The following HYDIN variants were observed in gnomAD, a reference collection of about 807,000 sequenced individuals.
HYDIN encodes the protein HYDIN axonemal central pair apparatus protein, also known as axonemal central pair apparatus protein HYDIN.
Under a neutral mutation model 403.9 loss-of-function variants are expected in HYDIN, and 132 were observed. The observed-to-expected ratio is 0.33, with a 90% CI of 0.28 to 0.38. The LOEUF is 0.38. Ranked by LOEUF, HYDIN falls within the 10% of genes least tolerant of loss-of-function variation. The probability of loss-of-function intolerance (pLI) is 1.00; values close to 1 mark genes in which losing one functional copy is unlikely to be tolerated. For synonymous variants in HYDIN, 1,202 were observed against 1,891.7 expected (o/e 0.64, Z 9.46); for missense variants, 2,827 against 5,009.5 (o/e 0.56, Z 13.15).
chr16:71,043,017 A>T (rs1214536691), intron 18 of HYDIN, among the ~76,000 whole-genome samples: 1 of 150,446 alleles, frequency 6.6e-6, no homozygotes, highest in African/African-American at 2.5e-5. Flanking sequence ...ATTTTTTGAG[A>T]TTTTTTTATA....
intron 41 of HYDIN, among the ~76,000 whole-genome samples, chr16:70,951,313 C>T (rs1015636962): frequency 6.6e-6 from 1 of 151,036 alleles, no homozygotes; most frequent in African/African-American, 2.5e-5. Flanking sequence ...AGAAACTTCA[C>T]AACTATGAAG....
chr16:71,078,781 T>C (rs1433167103), intron 13 of HYDIN, among the ~76,000 whole-genome samples: 8 of 152,160 alleles, frequency 5.3e-5, no homozygotes, highest in Non-Finnish European at 1.2e-4. Flanking sequence ...GGCGGGATTA[T>C]AGATGTGAGC....
chr16:71,185,040 A>G lies in HYDIN; in HGVS notation c.136-50T>C, dbSNP rs774819540. ...AAAGATTCTTAAGTGGATGTACTGAAAAAGTGTTTTCATAAGTACCAGTAA... is the reference window on the plus strand; with the variant it reads ...AAAGATTCTTAAGTGGATGTACTGAGAAAGTGTTTTCATAAGTACCAGTAA... On this transcript the variant is annotated intron_variant, in intron 2 of 85. Transcript: ENST00000393567. 7.0e-6 allele frequency: 10 copies of G among 1,431,034 alleles called. No homozygotes were observed. In the South Asian group the frequency reaches 1.4e-4, roughly 21 times the overall value. The allele number at this position is 1,431,034 out of a possible 1,614,324, so 88.6% of individuals were successfully genotyped here.
In HYDIN at chr16:71,062,294, T is replaced by A. The variant is rs1365004195; in HGVS notation, c.2251A>T (p.Thr751Ser). The change falls in exon 17 of 86, where the codon ACC becomes TCC. Residue 751 changes from threonine (T) to serine (S), a missense_variant. By Grantham distance (58) the Thr-to-Ser change is moderately conservative (BLOSUM62 1). Coordinates refer to ENST00000393567, the MANE Select transcript of HYDIN (RefSeq NM_001270974.2). ...EVPTVLFSSP[T>S]PSGVISPSST... ...CTTGGGGAGATGACCCCGCTGGGGG[T>A]GGGGCTGGAAAACAGCACAGTAGGC... is the stretch of plus-strand genomic sequence containing the variant. 6.3e-7 allele frequency: 1 copy of A among 1,578,856 alleles called. No homozygotes were observed. Among genetic ancestry groups the A allele is most frequent in the Non-Finnish European group, 8.6e-7 (1 of 1,160,884 alleles).
intron 75 of HYDIN, among the ~76,000 whole-genome samples, chr16:70,847,261 C>T (rs1183724580): frequency 2.0e-5 from 3 of 152,050 alleles, no homozygotes; most frequent in Non-Finnish European, 1.5e-5. Flanking sequence ...TTATATAAGG[C>T]CCACTAATAC....
chr16:71,114,742 AG>A (rs1006175448), intron 10 of HYDIN, among the ~76,000 whole-genome samples: 3 of 126,784 alleles, frequency 2.4e-5, no homozygotes, highest in Non-Finnish European at 4.9e-5. Flanking sequence ...CCAATTTCAA[AG>A]GGTTTGGCTT....
chr16:71,016,739 A>G (rs2080271865), intron 23 of HYDIN, among the ~76,000 whole-genome samples: 1 of 148,688 alleles, frequency 6.7e-6, no homozygotes, highest in Admixed American at 6.8e-5. Flanking sequence ...GTGGATGGAT[A>G]AAGAAAATTT....
chr16:71,071,192 AACCATTGCCCAG>A (rs1241343333), intron 13 of HYDIN, among the ~76,000 whole-genome samples: 1 of 144,532 alleles, frequency 6.9e-6, no homozygotes, highest in African/African-American at 2.6e-5. Context: ...TGGTCTTCCA[AACCATTGCCCAG>A]ACTGCTTCCT....
At chr16:71,219,967 G>A (rs1022442417) in intron 1 of HYDIN, among the ~76,000 whole-genome samples, 11 of 152,148 alleles carry the variant, frequency 7.2e-5, no homozygotes, top group Admixed American at 4.6e-4. Flanking sequence ...GTGGTTCAGC[G>A]TATTTCGGTC....
chr16:70,821,619 CTCTTTA>C (rs66785102), intron 83 of HYDIN, among the ~76,000 whole-genome samples: 21,143 of 150,550 alleles, frequency 0.14, 1,653 homozygotes, highest in African/African-American at 0.26. Flanking sequence ...TTAAGCTTTT[CTCTTTA>C]TCTTTGTTTT....
At chr16:71,211,860 C>T (rs2088611262) in intron 1 of HYDIN, among the ~76,000 whole-genome samples, 1 of 151,996 alleles carries the variant, frequency 6.6e-6, no homozygotes, top group African/African-American at 2.4e-5. Context: ...TTATTAGATA[C>T]AGATTACAAA....
chr16:70,874,884 G>A lies in HYDIN; in HGVS notation c.10593C>T (p.Phe3531=), dbSNP rs2040355787. 6.2e-7 allele frequency: 1 copy of A among 1,611,664 alleles called. No individual in the cohort carries two copies. The highest frequency in any genetic ancestry group is 1.7e-5 in the Admixed American group (1 of 59,836). The part of the protein sequence containing the change: ...HVDLQDELGV[F]SLKGRPTTAY... ...CGGTGGTGGGCCTCCCTTTCAGGGA[G>A]AAGACTCCTAGCTCATCCTGCAGGT... The change falls in exon 63 of 86, where the codon TTC becomes TTT. Residue 3531 remains phenylalanine (F), a synonymous_variant. Coordinates refer to ENST00000393567, the MANE Select transcript of HYDIN (RefSeq NM_001270974.2).
chr16:70,979,002 T>C lies in HYDIN; in HGVS notation c.4550A>G (p.Lys1517Arg), dbSNP rs1384079821. 1 of 1,613,636 alleles carries C rather than the reference T, an allele frequency of 6.2e-7. No individual in the cohort carries two copies. The highest frequency in any genetic ancestry group is 2.2e-5 in the East Asian group (1 of 44,870). The stretch of plus-strand genomic sequence containing the variant: ...TTTGTTATACTCTTTGTCTGTGTTT[T>C]TCCTGGCTTGATTCAAGAACATTTC... ...KYEMFLNQAR[K>R]NTDKEYNKCE... is the part of the protein sequence containing the mutation. The change falls in exon 30 of 86, where the codon AAA (lysine) becomes AGA (arginine). Residue 1517 changes from lysine to arginine, a missense_variant. Coordinates refer to ENST00000393567, the MANE Select transcript of HYDIN (RefSeq NM_001270974.2).
intron 84 of HYDIN, among the ~76,000 whole-genome samples, chr16:70,817,785 A>G (rs1158863128): frequency 6.6e-5 from 10 of 151,978 alleles, no homozygotes; most frequent in African/African-American, 2.4e-4. Flanking sequence ...TCTGTTGCCC[A>G]GGCTGCAGTG....
intron 1 of HYDIN, among the ~76,000 whole-genome samples, chr16:71,212,509 G>A (rs1334317657): frequency 6.6e-6 from 1 of 152,060 alleles, no homozygotes; most frequent in Non-Finnish European, 1.5e-5. Flanking sequence ...TAGAAGATTT[G>A]AAAAGGATTC....
intron 18 of HYDIN, among the ~76,000 whole-genome samples, chr16:71,048,156 T>C (rs1300844818): frequency 6.6e-6 from 1 of 151,084 alleles, no homozygotes; most frequent in African/African-American, 2.4e-5. Flanking sequence ...TCTATGCTGC[T>C]GGAATTAACA....
intron 7 of HYDIN, among the ~76,000 whole-genome samples, chr16:71,149,717 A>T (rs373041098): frequency 3.2e-4 from 49 of 152,088 alleles, no homozygotes; most frequent in African/African-American, 1.1e-3. Context: ...TAGTACAGAC[A>T]TGGTTTCACC....
At chr16:70,837,262 G>T (rs1018364545) in intron 77 of HYDIN, among the ~76,000 whole-genome samples, 13 of 151,954 alleles carry the variant, frequency 8.6e-5, no homozygotes, top group African/African-American at 3.2e-4. Flanking sequence ...AAGGAAAGAT[G>T]TTCCATCACT....
At chr16:70,861,918 G>A (rs1168362602) in intron 69 of HYDIN, 130 bp downstream of exon 69, 1 of 788,366 alleles carries the variant, frequency 1.3e-6, no homozygotes. Context: ...AAGGGAAAAG[G>A]GATAATTTGG....
Sources: gnomAD v4.1 joint callset for allele counts (sites outside exome capture counted in the v4.1 genomes callset) on GRCh38, gnomAD v4.1.1 for gene constraint, MANE v1.5 for transcripts, NCBI Gene and HGNC (gene_info 2026-07-23, HGNC 2026-07-21) for gene names.